ACSM2B: variants seen among roughly 807,000 people sequenced by gnomAD.
ACSM2B encodes the protein acyl-CoA synthetase medium chain family member 2B.
ACSM2B carries 58 observed loss-of-function variants against 78.6 expected under a neutral mutation model. That is an observed-to-expected ratio of 0.74 (90% confidence interval 0.60 to 0.92). ACSM2B has a LOEUF of 0.92. ACSM2B is among the 40% of genes least tolerant of loss of function. The pLI is 0.00. For synonymous variants in ACSM2B, 257 were observed against 256.8 expected (o/e 1.00, Z -0.01); for missense variants, 688 against 711.2 (o/e 0.97, Z 0.37).
chr16:20,566,688 A>ATATAT (rs2015872835), intron 1 of ACSM2B, among the ~76,000 whole-genome samples: 1 of 4,502 alleles, frequency 2.2e-4, no homozygotes, highest in South Asian at 0.028. Context: ...TATAGTATAT[A>ATATAT]CTATATATAG....
At chr16:20,562,761 C>A (rs577624030) in intron 2 of ACSM2B, among the ~76,000 whole-genome samples, 1 of 152,250 alleles carries the variant, frequency 6.6e-6, no homozygotes, top group East Asian at 1.9e-4. Flanking sequence ...GCTTAGGAGT[C>A]ATGTAACCAG....
intron 2 of ACSM2B, among the ~76,000 whole-genome samples, chr16:20,561,496 G>C (rs1161090019): frequency 6.6e-6 from 1 of 151,610 alleles, no homozygotes; most frequent in Non-Finnish European, 1.5e-5. Flanking sequence ...ATAACGAAGG[G>C]GATGGTGCTA....
Position 20,552,375 on chromosome 16 carries a change from G to A in ACSM2B, c.741-78C>T. The A allele has an allele frequency of 5.2e-6, 8 of 1,524,886 alleles. No individual in the cohort carries two copies. The South Asian group carries it at 9.0e-5, about 17-fold the overall frequency. 94.5% of individuals were successfully genotyped at this position (1,524,886 alleles called of 1,614,324 possible). A position where few individuals can be genotyped will look rare whatever the true frequency, so the allele number is the denominator to read the frequency against. On this transcript the variant is annotated intron_variant, in intron 5 of 13. Transcript: ENST00000329697. ...GCGTGGGACACTAAGGTGTAGGGGA[G>A]GAAAGGGAGGTGTGTGTGCAGAGGT...
chr16:20,566,607 CTACATATAGTA>C (rs2152145706), intron 1 of ACSM2B, among the ~76,000 whole-genome samples: 1 of 71,656 alleles, frequency 1.4e-5, no homozygotes, highest in East Asian at 4.9e-4. Context: ...ATGTATATAT[CTACATATAGTA>C]TATATACTAT....
At chr16:20,546,744 T>C (rs116954447) in intron 8 of ACSM2B, 8,972 of 420,666 alleles carry the variant, frequency 0.021, 160 homozygotes, top group Middle Eastern at 0.032. Context: ...TTAGGGGGAG[T>C]CACATTTTAA....
At chr16:20,574,709 C>T (rs550903933) in intron 1 of ACSM2B, 1 of 147,142 alleles carries the variant, frequency 6.8e-6, no homozygotes, top group South Asian at 2.1e-4. Flanking sequence ...CATGGTGAGG[C>T]TGTGCATGCA....
At chr16:20,565,186 C>T (rs1405221457) in intron 1 of ACSM2B, among the ~76,000 whole-genome samples, 1 of 152,158 alleles carries the variant, frequency 6.6e-6, no homozygotes, top group Non-Finnish European at 1.5e-5. Flanking sequence ...AATTCACTCC[C>T]TTTCCGTTCT....
At position 20,559,541 on chromosome 16, in the gene ACSM2B, T is replaced by C. The variant is rs530362701; in HGVS notation, c.178-94A>G. 11 of 1,467,594 alleles carry C rather than the reference T, an allele frequency of 7.5e-6. No individual in the cohort carries two copies. The Admixed American group carries it at 1.6e-4, about 22-fold the overall frequency. 90.9% of individuals were successfully genotyped at this position (1,467,594 alleles called of 1,614,324 possible). A position where few individuals can be genotyped will look rare whatever the true frequency, so the allele number is the denominator to read the frequency against. ...TTGGGATTGCCAAGCTGGTGCTTAG[T>C]AAGGTTTTTTATCTCAGCACCTCCA... On this transcript the variant is annotated intron_variant, in intron 2 of 13. Coordinates refer to ENST00000329697, the MANE Select transcript of ACSM2B (RefSeq NM_001105069.2).
At chr16:20,557,748 C>A (rs1370050293) in intron 3 of ACSM2B, among the ~76,000 whole-genome samples, 1 of 152,204 alleles carries the variant, frequency 6.6e-6, no homozygotes, top group African/African-American at 2.4e-5. Context: ...ATGGCCTGGA[C>A]TTCAGGCACA....
chr16:20,537,340 G>C lies in ACSM2B; in HGVS notation c.1652C>G (p.Pro551Arg), dbSNP rs201364830. 2.7e-5 allele frequency: 43 copies of C among 1,613,964 alleles called. No homozygotes were observed. The East Asian group carries it at 9.4e-4, about 35-fold the overall frequency. ...PRKIEFVLNL[P>R]KTVTGKIQRT... Reference sequence around the variant, plus strand: ...TTGAATTTTCCCTGTGACAGTCTTGGGCAGGTTCAAGACAAACTCTATCTG... The same window carrying C: ...TTGAATTTTCCCTGTGACAGTCTTGCGCAGGTTCAAGACAAACTCTATCTG... Residue 551 changes from proline to arginine, a missense_variant, in exon 14 of 14, where the codon CCC (proline) becomes CGC (arginine). Coordinates refer to ENST00000329697, the MANE Select transcript of ACSM2B (RefSeq NM_001105069.2).
chr16:20,557,021 G>T (rs1184132992), intron 3 of ACSM2B, among the ~76,000 whole-genome samples: 2 of 152,008 alleles, frequency 1.3e-5, no homozygotes, highest in Non-Finnish European at 2.9e-5. Context: ...ATATGCGGCG[G>T]GTGGGAGCTT....
chr16:20,561,272 A>G (rs917598451), intron 2 of ACSM2B, among the ~76,000 whole-genome samples: 2 of 151,752 alleles, frequency 1.3e-5, no homozygotes, highest in Admixed American at 1.3e-4. Context: ...TGGGTAATTT[A>G]TAAAGAAAAA....
rs1472629571 is a variant in ACSM2B at position 20,548,057 on chromosome 16, G to A, written c.1098+5C>T. On this transcript the variant is annotated splice_donor_5th_base_variant and intron_variant, in intron 8 of 13. Transcript: ENST00000329697. ...ACAGCCCATGGTTCCCCTGGGAACA[G>A]GTACCGTTTCTGTCTGGCCATAGAA... 5 of 1,613,986 alleles carry A rather than the reference G, an allele frequency of 3.1e-6. No homozygotes were observed. Among genetic ancestry groups the A allele is most frequent in the Non-Finnish European group, 4.2e-6 (5 of 1,179,874 alleles).
rs1242101821 is a variant in ACSM2B, at chr16:20,559,298, C to T, written c.327G>A (p.Val109=). 1.9e-6 allele frequency: 3 copies of T among 1,613,682 alleles called. No individual in the cohort carries two copies. The East Asian group carries it at 6.7e-5, about 36-fold the overall frequency. The change falls in exon 3 of 14, where the codon GTG becomes GTA. Residue 109 remains valine, a synonymous_variant. Coordinates refer to ENST00000329697, the MANE Select transcript of ACSM2B (RefSeq NM_001105069.2). ...GACGLQRGDR[V]AVMLPRVPEW... ...CAGGCACTCGGGGCAGCATCACTGC[C>T]ACACGATCCCCACGCTGCAGGCCAC...
chr16:20,566,859 A>T (rs1291171798), intron 1 of ACSM2B, among the ~76,000 whole-genome samples: 1 of 122,682 alleles, frequency 8.2e-6, no homozygotes, highest in Non-Finnish European at 1.6e-5. Context: ...GACACACTAT[A>T]TACTATAGTA....
At chr16:20,540,822 A>G (rs749576134) in intron 12 of ACSM2B, 49 bp from the exon 13 acceptor site, 3 of 1,589,584 alleles carry the variant, frequency 1.9e-6, no homozygotes, top group East Asian at 4.5e-5. Flanking sequence ...GTGTGTAGTC[A>G]TCTCCTGGAA....
chr16:20,572,696 T>G (rs1182339898), intron 1 of ACSM2B, among the ~76,000 whole-genome samples: 1 of 151,610 alleles, frequency 6.6e-6, no homozygotes, highest in Non-Finnish European at 1.5e-5. Context: ...GTCTCTTCTA[T>G]CTCAAGGATG....
intron 2 of ACSM2B, among the ~76,000 whole-genome samples, chr16:20,561,690 T>G (rs910641549): frequency 3.9e-5 from 6 of 151,962 alleles, no homozygotes; most frequent in Non-Finnish European, 8.8e-5. Context: ...ATCTCTTTTT[T>G]TTTTGGTTGG....
intron 4 of ACSM2B, among the ~76,000 whole-genome samples, chr16:20,554,710 G>A (rs554055405): frequency 2.2e-4 from 33 of 152,338 alleles, no homozygotes; most frequent in African/African-American, 7.2e-4. Flanking sequence ...GAAGAGCCTA[G>A]AAACTTGGTA....
Sources: allele counts gnomAD v4.1 joint callset (sites outside exome capture counted in the v4.1 genomes callset), GRCh38; gene constraint gnomAD v4.1.1; transcripts MANE v1.5; gene names NCBI Gene and HGNC (gene_info 2026-07-23, HGNC 2026-07-21).